PLEKHA6: variants seen among roughly 807,000 people sequenced by gnomAD.
PLEKHA6 encodes pleckstrin homology domain-containing family A member 6.
A neutral mutation model predicts 116.7 loss-of-function variants in PLEKHA6; 60 were observed. That is an observed-to-expected ratio of 0.51 (90% CI 0.42 to 0.64). PLEKHA6 has a LOEUF of 0.64. Ranked by LOEUF, PLEKHA6 falls within the 30% of genes least tolerant of loss-of-function variation. PLEKHA6 has a pLI of 0.00. For missense variants in PLEKHA6, 1,338 were observed against 1,422.7 expected, an observed-to-expected ratio of 0.94 and a Z score of 0.96; for synonymous variants, 489 against 556.1, an observed-to-expected ratio of 0.88 and a Z score of 1.70.
rs182085507 is a variant in PLEKHA6 at position 204,251,215 on chromosome 1, C to T, written c.1525-601G>A. ...ATTACACCCCTCATGCCTTTAACCCCAGTGACGTCTGTCAAGATGTTACAA... is the reference window on the plus strand; with the variant it reads ...ATTACACCCCTCATGCCTTTAACCCTAGTGACGTCTGTCAAGATGTTACAA... On this transcript the variant is annotated intron_variant, in intron 9 of 22. Coordinates refer to ENST00000272203, the MANE Select transcript of PLEKHA6 (RefSeq NM_014935.5). Among the ~76,000 whole-genome samples the T allele has an allele frequency of 3.0e-4, 45 of 152,294 alleles. No individual in the cohort carries two copies. In the East Asian group the frequency reaches 8.5e-3, roughly 29 times the overall value.
intron 9 of PLEKHA6, among the ~76,000 whole-genome samples, chr1:204,256,196 G>A (rs1665261148): frequency 6.6e-6 from 1 of 151,958 alleles, no homozygotes; most frequent in Non-Finnish European, 1.5e-5. Flanking sequence ...AGGCTTTCTG[G>A]AAAAGGATTC....
In PLEKHA6 at chr1:204,244,903, C is replaced by T. The variant is rs1395833948; in HGVS notation, c.2133G>A (p.Ser711=). ...TSPLSPFSLV[S]GSQGSPTKPG... The stretch of plus-strand genomic sequence containing the variant: ...GCTTGGTGGGGGACCCCTGAGAGCC[C>T]GACACCAGTGAAAAGGGGCTCAGGG... Residue 711 remains serine, a synonymous_variant, in exon 15 of 23, where the codon TCG becomes TCA. Transcript: ENST00000272203. 1.8e-5 allele frequency: 28 copies of T among 1,555,632 alleles called. No individual in the cohort carries two copies. The highest frequency in any genetic ancestry group is 3.8e-5 in the Admixed American group (2 of 53,248).
chr1:204,309,367 G>A (rs1012966104), intron 1 of PLEKHA6, among the ~76,000 whole-genome samples: 9 of 152,134 alleles, frequency 5.9e-5, no homozygotes, highest in Non-Finnish European at 1.0e-4. Context: ...ATCACACGCC[G>A]CATAAGGTCG....
upstream of PLEKHA6, among the ~76,000 whole-genome samples, chr1:204,364,888 G>A (rs73061814): frequency 1.3e-5 from 2 of 152,336 alleles, no homozygotes; most frequent in South Asian, 2.1e-4. Context: ...TGTGATACAC[G>A]CTCCAGTTGG....
intron 6 of PLEKHA6, among the ~76,000 whole-genome samples, chr1:204,262,689 G>A (rs928415013): frequency 3.3e-5 from 5 of 151,846 alleles, no homozygotes; most frequent in Admixed American, 6.6e-5. Context: ...GTCCCACCTC[G>A]CCTCCACCTG....
chr1:204,264,265 G>A (rs527669896), intron 6 of PLEKHA6, among the ~76,000 whole-genome samples: 5 of 152,024 alleles, frequency 3.3e-5, no homozygotes, highest in South Asian at 4.2e-4. Context: ...CTTTTTAAAC[G>A]TGGAAAAACA....
chr1:204,359,806 C>T lies in PLEKHA6; in HGVS notation c.-207G>A. ...TCCTCCTCCCCCGCCCCTGGGGCCCCCTTCTGCAGAGCGGGGCTCCGGATC... is the reference window on the plus strand; with the variant it reads ...TCCTCCTCCCCCGCCCCTGGGGCCCTCTTCTGCAGAGCGGGGCTCCGGATC... On this transcript the variant is annotated 5_prime_UTR_variant, in exon 1 of 23. Coordinates refer to ENST00000272203, the MANE Select transcript of PLEKHA6 (RefSeq NM_014935.5). 1 of 480,974 alleles carries T rather than the reference C, an allele frequency of 2.1e-6. No homozygotes were observed. The highest frequency in any genetic ancestry group is 2.7e-6 in the Non-Finnish European group (1 of 368,092). The allele number at this position is 480,974 out of a possible 1,614,324, so 29.8% of individuals were successfully genotyped here.
intron 1 of PLEKHA6, chr1:204,307,759 C>T: frequency 2.0e-6 from 1 of 501,294 alleles, no homozygotes; most frequent in Non-Finnish European, 2.6e-6. Context: ...CTAAGCTGAG[C>T]TAGCCCAGCG....
chr1:204,240,103 C>T (rs1422760125), intron 17 of PLEKHA6, among the ~76,000 whole-genome samples: 2 of 152,136 alleles, frequency 1.3e-5, no homozygotes, highest in Non-Finnish European at 1.5e-5. Context: ...GGTGATTGAC[C>T]TGGACTATCA....
chr1:204,366,961 C>A (rs1298619974), intron 3 of PLEKHA6, among the ~76,000 whole-genome samples: 1 of 152,220 alleles, frequency 6.6e-6, no homozygotes, highest in Non-Finnish European at 1.5e-5. Context: ...GGGGCTCCCT[C>A]TGGTGGTGCC....
intron 1 of PLEKHA6, among the ~76,000 whole-genome samples, chr1:204,282,179 G>A (rs1668694663): frequency 6.6e-6 from 1 of 152,116 alleles, no homozygotes; most frequent in Non-Finnish European, 1.5e-5. Flanking sequence ...CAGACTGAGG[G>A]CAGGAGGACA....
upstream of PLEKHA6, among the ~76,000 whole-genome samples, chr1:204,362,131 G>C (rs1333766173): frequency 1.3e-5 from 2 of 152,168 alleles, no homozygotes; most frequent in African/African-American, 4.8e-5. Context: ...TTTAGCTGGG[G>C]GACCAAGGCG....
At chr1:204,342,815 A>C (rs1289977211) in intron 1 of PLEKHA6, among the ~76,000 whole-genome samples, 1 of 152,256 alleles carries the variant, frequency 6.6e-6, no homozygotes, top group African/African-American at 2.4e-5. Flanking sequence ...CTCACCTGAT[A>C]AGCAAATGCA....
intron 1 of PLEKHA6, among the ~76,000 whole-genome samples, chr1:204,322,318 AATG>A (rs1334599479): frequency 8.5e-5 from 13 of 152,140 alleles, no homozygotes. Context: ...AAGGGGAGGA[AATG>A]ATGATCTATT....
intron 17 of PLEKHA6, among the ~76,000 whole-genome samples, chr1:204,234,988 A>C (rs1298885720): frequency 2.1e-4 from 4 of 18,664 alleles, no homozygotes; most frequent in Non-Finnish European, 2.7e-4. Flanking sequence ...ATATATATAT[A>C]TATATATATA....
intron 1 of PLEKHA6, among the ~76,000 whole-genome samples, chr1:204,316,112 G>A (rs1480548933): frequency 6.6e-6 from 1 of 152,160 alleles, no homozygotes. Context: ...GGTGGCTCCC[G>A]CTCAATAAAT....
At chr1:204,301,472 G>T (rs1297056024) in intron 1 of PLEKHA6, 1 of 985,274 alleles carries the variant, frequency 1.0e-6, no homozygotes, top group African/African-American at 1.7e-5. Flanking sequence ...GTATAGACAT[G>T]CCCACAGAGT....
At chr1:204,280,753 C>G (rs533538686) in intron 1 of PLEKHA6, among the ~76,000 whole-genome samples, 1 of 152,178 alleles carries the variant, frequency 6.6e-6, no homozygotes, top group African/African-American at 2.4e-5. Context: ...CTGTGCCTCC[C>G]CATCTGGATC....
In PLEKHA6 at chr1:204,268,891, G is replaced by A. The variant is rs557815306; in HGVS notation, c.103-579C>T. 1.3e-4 allele frequency among the ~76,000 whole-genome samples: 20 copies of A among 152,208 alleles called. 1 individual carries two copies. The Middle Eastern group carries it at 0.01, about 78-fold the overall frequency. On this transcript the variant is annotated intron_variant, in intron 3 of 22. Transcript: ENST00000272203. Reference sequence around the variant, plus strand: ...TGTTTAATCCTTCTCATCACTGTCCGCTTCTCAATCGTTCTTTCAGTCTAA... The same window carrying A: ...TGTTTAATCCTTCTCATCACTGTCCACTTCTCAATCGTTCTTTCAGTCTAA...
Sources: gnomAD v4.1 joint callset for allele counts (sites outside exome capture counted in the v4.1 genomes callset) on GRCh38, gnomAD v4.1.1 for gene constraint, MANE v1.5 for transcripts, NCBI Gene and HGNC (gene_info 2026-07-23, HGNC 2026-07-21) for gene names.